The following CHM variants were observed in gnomAD, a reference collection of about 807,000 sequenced individuals.
CHM encodes the protein rab proteins geranylgeranyltransferase component A 1.
Under a neutral mutation model 49.0 loss-of-function variants are expected in CHM, and 10 were observed. That is an observed-to-expected ratio of 0.20 (90% CI 0.13 to 0.35). The LOEUF is 0.35. Among genes scored for constraint, CHM ranks in the 10% least tolerant of loss-of-function variants. The pLI, the probability that CHM is intolerant of heterozygous loss-of-function variation, is 1.00. For missense variants in CHM, 455 were observed against 478.4 expected (o/e 0.95, Z 0.46); for synonymous variants, 184 against 167.5 (o/e 1.10, Z -0.76).
intron 12 of CHM, among the ~76,000 whole-genome samples, chrX:85,887,107 C>G (rs1228114860): frequency 9.1e-6 from 1 of 109,325 alleles, no homozygotes; most frequent in Admixed American, 1.0e-4. Context: ...AAACCCAAAC[C>G]CAGTCCATTT....
chrX:85,962,154 AC>A (rs1930330562), intron 5 of CHM, among the ~76,000 whole-genome samples: 2 of 112,508 alleles, frequency 1.8e-5, no homozygotes, highest in Non-Finnish European at 3.7e-5. Context: ...GAATTGTCAC[AC>A]AAAGCCCATT....
chrX:85,944,181 A>G (rs1184594688), intron 8 of CHM, among the ~76,000 whole-genome samples: 3 of 111,935 alleles, frequency 2.7e-5, no homozygotes, highest in African/African-American at 9.7e-5. Flanking sequence ...GATCCAGGAT[A>G]GGAAATGTTT....
chrX:85,955,532 T>C (rs1478732833), intron 8 of CHM, among the ~76,000 whole-genome samples: 6 of 112,342 alleles, frequency 5.3e-5, no homozygotes, highest in South Asian at 3.6e-4. Context: ...AAAAATCCAA[T>C]GCAATGATAA....
chrX:85,907,049 G>A (rs892848977), intron 9 of CHM, among the ~76,000 whole-genome samples: 8 of 111,776 alleles, frequency 7.2e-5, no homozygotes, highest in Non-Finnish European at 1.5e-4. Flanking sequence ...AGAATCGCTT[G>A]AACCTGGGAG....
chrX:85,914,334 G>A (rs1163674374), intron 8 of CHM, among the ~76,000 whole-genome samples: 2 of 110,705 alleles, frequency 1.8e-5, no homozygotes, highest in South Asian at 3.9e-4. Context: ...GGATTGGGCC[G>A]GTGTGATCTA....
At chrX:85,865,143 G>A (rs1274440098) in intron 14 of CHM, among the ~76,000 whole-genome samples, 2 of 111,202 alleles carry the variant, frequency 1.8e-5, no homozygotes, top group Non-Finnish European at 3.8e-5. Context: ...CCTTAATATT[G>A]TTTATATGAT....
intron 9 of CHM, chrX:85,903,806 A>G: frequency 6.4e-6 from 2 of 311,403 alleles, no homozygotes; most frequent in Non-Finnish European, 1.3e-5. Flanking sequence ...ATTGGTACAG[A>G]TAAAATATTT....
intron 6 of CHM, among the ~76,000 whole-genome samples, 179 bp downstream of exon 6, chrX:85,958,682 A>C (rs1930131678): frequency 8.9e-6 from 1 of 111,909 alleles, no homozygotes; most frequent in South Asian, 3.7e-4. Context: ...GCTGCAGAGT[A>C]AGCCATGAGA....
intron 11 of CHM, among the ~76,000 whole-genome samples, chrX:85,897,740 G>C (rs151230066): frequency 9.0e-6 from 1 of 110,907 alleles, no homozygotes; most frequent in Non-Finnish European, 1.9e-5. Flanking sequence ...TGAAGGTCCA[G>C]CTGAATAACG....
intron 11 of CHM, among the ~76,000 whole-genome samples, chrX:85,899,818 G>A (rs1438593215): frequency 9.1e-6 from 1 of 109,365 alleles, no homozygotes; most frequent in Non-Finnish European, 1.9e-5. Flanking sequence ...TTACCATGTA[G>A]ATTAAGTTAG....
chrX:85,904,207 G>T (rs1335094220), intron 9 of CHM, among the ~76,000 whole-genome samples: 1 of 111,066 alleles, frequency 9.0e-6, no homozygotes, highest in Admixed American at 9.6e-5. Context: ...ATTAAACCAC[G>T]TAAGATTTAG....
chrX:85,940,407 C>T (rs901041891), intron 8 of CHM, among the ~76,000 whole-genome samples: 1 of 111,598 alleles, frequency 9.0e-6, no homozygotes, highest in Admixed American at 9.6e-5. Context: ...GTAAAGACTA[C>T]AACAATTCAA....
intron 4 of CHM, among the ~76,000 whole-genome samples, chrX:85,968,121 T>A (rs1930677233): frequency 8.9e-6 from 1 of 112,247 alleles, no homozygotes; most frequent in Non-Finnish European, 1.9e-5. Flanking sequence ...ACAGTATATA[T>A]TATACTGCTA....
At chrX:85,950,704 AATGT>A (rs1929698896) in intron 8 of CHM, among the ~76,000 whole-genome samples, 1 of 111,872 alleles carries the variant, frequency 8.9e-6, no homozygotes, top group Non-Finnish European at 1.9e-5. Flanking sequence ...GAAAAAGCAC[AATGT>A]ATTTAGTTGA....
chrX:86,000,646 C>A (rs765951341), intron 2 of CHM, among the ~76,000 whole-genome samples: 2 of 110,504 alleles, frequency 1.8e-5, no homozygotes, highest in South Asian at 3.8e-4. Context: ...TATATATACA[C>A]AATGGAATAT....
intron 12 of CHM, among the ~76,000 whole-genome samples, chrX:85,887,243 GT>G (rs1204717683): frequency 9.1e-6 from 1 of 110,494 alleles, no homozygotes; most frequent in Non-Finnish European, 1.9e-5. Context: ...CTGAATAATG[GT>G]GACAGGTCTT....
rs752243352 is a variant in CHM at position 85,886,248 on chromosome X, T to C, written c.1511-7185A>G. Among the ~76,000 whole-genome samples the C allele has an allele frequency of 1.3e-3, 146 of 112,178 alleles. 1 individual carries two copies. In the Middle Eastern group the frequency reaches 0.028, roughly 22 times the overall value. Reference sequence around the variant, plus strand: ...CCAAAAGTGGGATGTTATGGCATAATAAGCATATTTAGCATTTTCAGTTTT... The same window carrying C: ...CCAAAAGTGGGATGTTATGGCATAACAAGCATATTTAGCATTTTCAGTTTT... On this transcript the variant is annotated intron_variant, in intron 12 of 14. Coordinates refer to ENST00000357749, the MANE Select transcript of CHM (RefSeq NM_000390.4).
In CHM at chrX:85,864,824, G is replaced by C; in HGVS notation, c.1771-3C>G. 8.3e-7 allele frequency: 1 copy of C among 1,201,908 alleles called. No homozygotes were observed. Among genetic ancestry groups the C allele is most frequent in the Non-Finnish European group, 1.1e-6 (1 of 889,467 alleles). On this transcript the variant is annotated splice_polypyrimidine_tract_variant and splice_region_variant and intron_variant, in intron 14 of 14. Coordinates refer to ENST00000357749, the MANE Select transcript of CHM (RefSeq NM_000390.4). ...ATTTCCTGGAAAAGTGTTTCAGCCT[G>C]GCCAAGGAAGAAAAGATAAAATCGT...
intron 14 of CHM, 33 bp downstream of exon 14, chrX:85,873,019 T>G: frequency 1.7e-6 from 2 of 1,185,105 alleles, no homozygotes. Flanking sequence ...ACCAACATCT[T>G]AATACAAAAC....
Sources: allele counts gnomAD v4.1 joint callset (sites outside exome capture counted in the v4.1 genomes callset), GRCh38; gene constraint gnomAD v4.1.1; transcripts MANE v1.5; gene names NCBI Gene and HGNC (gene_info 2026-07-23, HGNC 2026-07-21).